The following RYR2 variants were observed in gnomAD, a reference collection of about 807,000 sequenced individuals.
RYR2 encodes cardiac muscle ryanodine receptor-calcium release channel.
In RYR2, 227 loss-of-function variants were observed where a neutral mutation model predicts 601.1. That is an observed-to-expected ratio of 0.38 (90% CI 0.34 to 0.42). The LOEUF is 0.42. Ranked by LOEUF, RYR2 falls within the 10% of genes least tolerant of loss-of-function variation. RYR2 has a pLI of 1.00. For missense variants in RYR2, 4,646 were observed against 6,156.5 expected (o/e 0.75, Z 8.21); for synonymous variants, 2,223 against 2,175.1 (o/e 1.02, Z -0.61).
intron 46 of RYR2, 114 bp from the exon 47 acceptor site, chr1:237,640,783 T>G (rs1036119110): frequency 2.5e-6 from 2 of 797,662 alleles, no homozygotes; most frequent in African/African-American, 3.4e-5. Flanking sequence ...ATATGAAACA[T>G]ATCAGAAAAA....
intron 10 of RYR2, among the ~76,000 whole-genome samples, 169 bp downstream of exon 10, chr1:237,388,352 C>T (rs962093664): frequency 2.0e-5 from 3 of 152,166 alleles, no homozygotes; most frequent in Non-Finnish European, 4.4e-5. Context: ...AGCTTTTTCT[C>T]ATGTTATATT....
At chr1:237,823,766 A>G (rs1273629353) in intron 101 of RYR2, among the ~76,000 whole-genome samples, 1 of 152,182 alleles carries the variant, frequency 6.6e-6, no homozygotes, top group African/African-American at 2.4e-5. Flanking sequence ...AAGATCAACA[A>G]AATAGACAGA....
At chr1:237,722,728 T>C (rs1409716450) in intron 73 of RYR2, among the ~76,000 whole-genome samples, 4 of 152,282 alleles carry the variant, frequency 2.6e-5, no homozygotes, top group Admixed American at 6.5e-5. Flanking sequence ...CCACCGTGCC[T>C]GGCCAATATT....
At chr1:237,720,241 A>T (rs145783599) in intron 73 of RYR2, among the ~76,000 whole-genome samples, 2 of 152,280 alleles carry the variant, frequency 1.3e-5, no homozygotes, top group African/African-American at 4.8e-5. Context: ...TTAATTATGA[A>T]AATACGCAAA....
At chr1:237,723,609 T>A (rs1689935919) in intron 74 of RYR2, among the ~76,000 whole-genome samples, 1 of 152,190 alleles carries the variant, frequency 6.6e-6, no homozygotes, top group Admixed American at 6.5e-5. Context: ...CTTCATTTTT[T>A]AATATTGCTC....
At chr1:237,478,293 A>T (rs1435020983) in intron 17 of RYR2, among the ~76,000 whole-genome samples, 6 of 152,212 alleles carry the variant, frequency 3.9e-5, no homozygotes, top group Admixed American at 3.9e-4. Context: ...TCCACCGTTT[A>T]TATAATAGCT....
intron 1 of RYR2, among the ~76,000 whole-genome samples, chr1:237,127,101 G>T (rs745534557): frequency 2.0e-5 from 3 of 151,274 alleles, no homozygotes; most frequent in South Asian, 2.1e-4. Flanking sequence ...AGGGTTGGGG[G>T]TAAGGTCACA....
At chr1:237,633,754 T>C (rs1040342006) in intron 43 of RYR2, 44 bp downstream of exon 43, 2 of 1,530,742 alleles carry the variant, frequency 1.3e-6, no homozygotes, top group Non-Finnish European at 1.8e-6. Flanking sequence ...TGAAATAATA[T>C]AATATTACAT....
chr1:237,258,754 T>C (rs540507655), intron 1 of RYR2, among the ~76,000 whole-genome samples: 1 of 152,290 alleles, frequency 6.6e-6, no homozygotes, highest in East Asian at 1.9e-4. Context: ...AATCAGTTGG[T>C]TGACAACAGA....
chr1:237,727,910 C>T (rs1376046990), intron 76 of RYR2, among the ~76,000 whole-genome samples: 2 of 152,038 alleles, frequency 1.3e-5, no homozygotes, highest in African/African-American at 2.4e-5. Flanking sequence ...AGAAACTATG[C>T]TCTTTCCCAC....
chr1:237,820,653 C>T (rs1358220062), intron 101 of RYR2, among the ~76,000 whole-genome samples: 2 of 152,196 alleles, frequency 1.3e-5, no homozygotes, highest in African/African-American at 4.8e-5. Flanking sequence ...CCAGTGGCAC[C>T]TGGGATGCCA....
chr1:237,051,663 ATGTAAT>A, intron 1 of RYR2, among the ~76,000 whole-genome samples: 1 of 152,164 alleles, frequency 6.6e-6, no homozygotes, highest in South Asian at 2.1e-4. Context: ...GTGCATTGAT[ATGTAAT>A]TGTCTGGCAG....
At chr1:237,766,927 A>G (rs1394448879) in intron 84 of RYR2, among the ~76,000 whole-genome samples, 3 of 152,228 alleles carry the variant, frequency 2.0e-5, no homozygotes, top group Admixed American at 2.0e-4. Context: ...GCACTCTGGA[A>G]TTTATAGAAC....
At chr1:237,757,821 G>A in intron 82 of RYR2, 45 bp downstream of exon 82, 2 of 1,136,772 alleles carry the variant, frequency 1.8e-6, no homozygotes, top group Non-Finnish European at 2.7e-6. Context: ...TCAGACAAAT[G>A]GACCATATAG....
intron 1 of RYR2, among the ~76,000 whole-genome samples, chr1:237,207,480 T>G (rs1681944789): frequency 6.6e-6 from 1 of 152,160 alleles, no homozygotes; most frequent in Non-Finnish European, 1.5e-5. Context: ...GCAGGAGAAT[T>G]GCTTGAACCG....
chr1:237,810,456 C>T (rs920798100), intron 100 of RYR2, among the ~76,000 whole-genome samples: 4 of 152,128 alleles, frequency 2.6e-5, no homozygotes, highest in African/African-American at 9.7e-5. Context: ...AAAGTATTCA[C>T]GTTTGTTAAA....
At position 237,416,761 on chromosome 1, in the gene RYR2, C is replaced by CAGAGAG. The variant is rs572524939; in HGVS notation, c.774-287_774-286insGAGAGA. On this transcript the variant is annotated intron_variant, in intron 10 of 104. Transcript: ENST00000366574. The stretch of plus-strand genomic sequence containing the variant: ...AGGGATGGGAAGAAACACACACACA[C>CAGAGAG]ACAGAGAGAGAGAGAGAGAGAGAAT... Among the ~76,000 whole-genome samples, 136 of 147,200 alleles carry CAGAGAG rather than the reference C, an allele frequency of 9.2e-4. 2 individuals carry two copies. The highest frequency in any genetic ancestry group is 2.6e-3 in the South Asian group (12 of 4,586).
intron 17 of RYR2, among the ~76,000 whole-genome samples, chr1:237,484,194 G>C (rs1257655858): frequency 6.6e-6 from 1 of 152,190 alleles, no homozygotes; most frequent in Non-Finnish European, 1.5e-5. Flanking sequence ...ACTTGAAATA[G>C]AGGTGGAAGA....
chr1:237,520,197 G>GT lies in RYR2; in HGVS notation c.2822+8412dup, dbSNP rs964570056. Among the ~76,000 whole-genome samples, 205 of 152,234 alleles carry GT rather than the reference G, an allele frequency of 1.3e-3. 1 individual carries two copies. Among genetic ancestry groups the GT allele is most frequent in the African/African-American group, 4.1e-3 (171 of 41,562 alleles). On this transcript the variant is annotated intron_variant, in intron 24 of 104. Transcript: ENST00000366574. ...ACTGAATTCCATTTATCAAATAAGA[G>GT]TTTTTTGTGGCATCTTTAGGTTTTC...
Sources: allele counts gnomAD v4.1 joint callset (sites outside exome capture counted in the v4.1 genomes callset), GRCh38; gene constraint gnomAD v4.1.1; transcripts MANE v1.5; gene names NCBI Gene and HGNC (gene_info 2026-07-23, HGNC 2026-07-21).